Variants in DNAH14 observed in about 807,000 individuals in gnomAD.
DNAH14 encodes the protein axonemal beta dynein heavy chain 14.
Under a neutral mutation model 520.9 loss-of-function variants are expected in DNAH14, and 478 were observed. The observed-to-expected ratio is 0.92, with a 90% CI of 0.85 to 0.99. DNAH14 has a LOEUF of 0.99. Ranked by LOEUF, DNAH14 falls within the 50% of genes least tolerant of loss-of-function variation. DNAH14 has a pLI of 0.00. For synonymous variants in DNAH14, 1,581 were observed against 1,757.2 expected (o/e 0.90, Z 2.51); for missense variants, 4,831 against 5,234.5 (o/e 0.92, Z 2.38).
intron 84 of DNAH14, among the ~76,000 whole-genome samples, chr1:225,393,287 G>A (rs2095945725): frequency 6.6e-6 from 1 of 152,116 alleles, no homozygotes. Flanking sequence ...ACCACTTAAC[G>A]ATGGGGATAC....
chr1:225,221,659 G>A (rs545106355), intron 41 of DNAH14, among the ~76,000 whole-genome samples: 1 of 152,326 alleles, frequency 6.6e-6, no homozygotes, highest in Non-Finnish European at 1.5e-5. Context: ...AACAGATGCT[G>A]TGTAGGAGAT....
chr1:225,065,090 A>G (rs980506430), intron 17 of DNAH14, among the ~76,000 whole-genome samples: 1 of 151,914 alleles, frequency 6.6e-6, no homozygotes, highest in East Asian at 1.9e-4. Flanking sequence ...GCTGTTTCTT[A>G]ATTTTATTTT....
intron 21 of DNAH14, among the ~76,000 whole-genome samples, chr1:225,088,610 G>T (rs1254174051): frequency 6.6e-6 from 1 of 152,062 alleles, no homozygotes; most frequent in Non-Finnish European, 1.5e-5. Context: ...AAAAAATACT[G>T]AGAAAATAAT....
intron 17 of DNAH14, among the ~76,000 whole-genome samples, chr1:225,068,595 C>T (rs1192625009): frequency 1.3e-5 from 2 of 152,150 alleles, no homozygotes; most frequent in Non-Finnish European, 2.9e-5. Context: ...AATGTTTCTC[C>T]ATTTGTTTGT....
chr1:225,379,909 T>C (rs1441012102), intron 79 of DNAH14, among the ~76,000 whole-genome samples: 1 of 152,240 alleles, frequency 6.6e-6, no homozygotes, highest in African/African-American at 2.4e-5. Context: ...TGTATAGTGA[T>C]CAGATCAGGG....
chr1:225,007,670 C>A, intron 10 of DNAH14, 126 bp downstream of exon 10: 1 of 640,756 alleles, frequency 1.6e-6, no homozygotes, highest in Non-Finnish European at 2.3e-6. Flanking sequence ...GTTAATTAAC[C>A]AACTAACTGG....
At chr1:225,073,892 A>G (rs1016835443) in intron 17 of DNAH14, among the ~76,000 whole-genome samples, 36 of 151,728 alleles carry the variant, frequency 2.4e-4, no homozygotes, top group Middle Eastern at 3.4e-3. Context: ...CATGTTGGCC[A>G]AAATGTTCTC....
At chr1:225,347,378 T>C (rs2095302069) in intron 71 of DNAH14, among the ~76,000 whole-genome samples, 1 of 152,178 alleles carries the variant, frequency 6.6e-6, no homozygotes, top group Non-Finnish European at 1.5e-5. Context: ...AAATTTTGCA[T>C]CATTTGACAC....
chr1:225,167,906 G>A, intron 35 of DNAH14, 33 bp from the exon 36 acceptor site: 1 of 1,223,692 alleles, frequency 8.2e-7, no homozygotes, highest in Non-Finnish European at 1.1e-6. Flanking sequence ...CATTTGCAAT[G>A]CATTTTAAAT....
In DNAH14 at chr1:225,300,239, T is replaced by G. The variant is rs114580648; in HGVS notation, c.8470-630T>G. Among the ~76,000 whole-genome samples the G allele has an allele frequency of 5.9e-3, 893 of 152,316 alleles. 10 individuals carry two copies. Among genetic ancestry groups the G allele is most frequent in the African/African-American group, 0.02 (841 of 41,558 alleles). On this transcript the variant is annotated intron_variant, in intron 55 of 85. Transcript: ENST00000682510. ...GTATTGAGGGCTTCTGTGAACTGCC[T>G]GAGCAGTGTTCCTGCCCAATTCATT...
chr1:225,175,394 A>G (rs1412842777), intron 36 of DNAH14, among the ~76,000 whole-genome samples: 1 of 152,088 alleles, frequency 6.6e-6, no homozygotes, highest in Non-Finnish European at 1.5e-5. Flanking sequence ...CCAGCAATAT[A>G]TCAGTTTCTT....
chr1:225,134,737 T>G lies in DNAH14; in HGVS notation c.4255-6031T>G, dbSNP rs939396056. ...TGGTATCAGGATGATGCTGGCCTCA[T>G]AGAATGAGTTAGGAAAGAGTCCTTC... On this transcript the variant is annotated intron_variant, in intron 27 of 85. Transcript: ENST00000682510. Among the ~76,000 whole-genome samples the G allele has an allele frequency of 9.9e-5, 15 of 152,196 alleles. 1 individual carries two copies. Among genetic ancestry groups the G allele is most frequent in the Admixed American group, 6.5e-5 (1 of 15,268 alleles).
chr1:225,151,993 A>G lies in DNAH14; in HGVS notation c.4941-12A>G, dbSNP rs1317751825. On this transcript the variant is annotated splice_polypyrimidine_tract_variant and intron_variant, in intron 31 of 85. Transcript: ENST00000682510. Reference sequence around the variant, plus strand: ...AAACAGTGCTAGTGATGAATACTGTAATGTCTTTTAGGTTTGTACTGGAAG... The same window carrying G: ...AAACAGTGCTAGTGATGAATACTGTGATGTCTTTTAGGTTTGTACTGGAAG... 7.7e-6 allele frequency: 12 copies of G among 1,549,584 alleles called. No individual in the cohort carries two copies. The East Asian group carries it at 1.7e-4, about 22-fold the overall frequency.
chr1:225,289,717 G>C lies in DNAH14; in HGVS notation c.8272-168G>C, dbSNP rs2093822843. On this transcript the variant is annotated intron_variant, in intron 54 of 85. Transcript: ENST00000682510. The stretch of plus-strand genomic sequence containing the variant: ...TGGATGAGTGCCTTATAAAAATTTT[G>C]ATAAAATATTTAAATTATGTTTAAT... Among the ~76,000 whole-genome samples, 3 of 151,888 alleles carry C rather than the reference G, an allele frequency of 2.0e-5. No homozygotes were observed. The South Asian group carries it at 6.2e-4, about 31-fold the overall frequency.
intron 22 of DNAH14, among the ~76,000 whole-genome samples, chr1:225,100,096 C>T (rs2075319469): frequency 6.6e-6 from 1 of 152,152 alleles, no homozygotes; most frequent in Non-Finnish European, 1.5e-5. Context: ...TGGCTTATCA[C>T]ATCACATGTG....
intron 60 of DNAH14, among the ~76,000 whole-genome samples, chr1:225,311,314 A>C (rs180853367): frequency 6.6e-6 from 1 of 151,930 alleles, no homozygotes; most frequent in African/African-American, 2.4e-5. Flanking sequence ...TTTTCTTGTA[A>C]ATTTCTTTAA....
At chr1:225,291,654 T>C (rs940133583) in intron 55 of DNAH14, among the ~76,000 whole-genome samples, 1 of 152,146 alleles carries the variant, frequency 6.6e-6, no homozygotes, top group Non-Finnish European at 1.5e-5. Context: ...ACCTCCATAC[T>C]ATTTGCCATA....
At chr1:224,968,992 T>C in intron 7 of DNAH14, 118 bp downstream of exon 7, 1 of 649,912 alleles carries the variant, frequency 1.5e-6, no homozygotes, top group Admixed American at 4.1e-5. Flanking sequence ...ACTAATTCTT[T>C]TATCTAAAAA....
At chr1:225,160,814 C>G (rs2081440656) in intron 35 of DNAH14, among the ~76,000 whole-genome samples, 1 of 152,036 alleles carries the variant, frequency 6.6e-6, no homozygotes, top group Non-Finnish European at 1.5e-5. Context: ...TCTCAAAAAA[C>G]TAGCCTTCTT....
Sources: gnomAD v4.1 joint callset for allele counts (sites outside exome capture counted in the v4.1 genomes callset) on GRCh38, gnomAD v4.1.1 for gene constraint, MANE v1.5 for transcripts, NCBI Gene and HGNC (gene_info 2026-07-23, HGNC 2026-07-21) for gene names.